Variants in MAGI1 observed in about 807,000 individuals in gnomAD.
MAGI1 encodes the protein membrane-associated guanylate kinase, WW and PDZ domain-containing protein 1.
In MAGI1, 58 loss-of-function variants were observed where a neutral mutation model predicts 139.9. The ratio of observed to expected loss-of-function variants is 0.41; its 90% confidence interval spans 0.34 to 0.52. MAGI1 has a LOEUF of 0.52. Ranked by LOEUF, MAGI1 falls within the 20% of genes least tolerant of loss-of-function variation. The pLI is 0.12. For missense variants in MAGI1, 1,874 were observed against 1,901.6 expected, an observed-to-expected ratio of 0.99 and a Z score of 0.27; for synonymous variants, 812 against 737.9, an observed-to-expected ratio of 1.10 and a Z score of -1.63.
intron 3 of MAGI1, among the ~76,000 whole-genome samples, chr3:65,490,157 CT>C (rs1951901726): frequency 6.6e-6 from 1 of 152,206 alleles, no homozygotes; most frequent in Non-Finnish European, 1.5e-5. Flanking sequence ...TGAAGGAGAG[CT>C]TACATGTGTC....
intron 1 of MAGI1, among the ~76,000 whole-genome samples, chr3:65,700,081 T>C (rs2089492955): frequency 6.6e-6 from 1 of 152,022 alleles, no homozygotes; most frequent in Non-Finnish European, 1.5e-5. Context: ...CTACATACAA[T>C]TTTGACATTT....
At chr3:65,745,067 T>C (rs1038917048) in intron 1 of MAGI1, among the ~76,000 whole-genome samples, 1 of 152,132 alleles carries the variant, frequency 6.6e-6, no homozygotes, top group African/African-American at 2.4e-5. Context: ...GTTGGTCCTT[T>C]TGCATCTGGC....
At chr3:65,658,281 C>T (rs1481266525) in intron 1 of MAGI1, among the ~76,000 whole-genome samples, 2 of 152,086 alleles carry the variant, frequency 1.3e-5, no homozygotes, top group Non-Finnish European at 2.9e-5. Flanking sequence ...TCACTGTTGA[C>T]TTTTAATAAG....
chr3:65,384,046 G>A (rs576965512), intron 14 of MAGI1, among the ~76,000 whole-genome samples: 4 of 152,212 alleles, frequency 2.6e-5, no homozygotes, highest in East Asian at 1.9e-4. Flanking sequence ...CTAAGGATTC[G>A]GAAGTCATGT....
At position 65,478,774 on chromosome 3, in the gene MAGI1, G is replaced by A; in HGVS notation, c.575C>T (p.Pro192Leu). 6.2e-7 allele frequency: 1 copy of A among 1,613,958 alleles called. No homozygotes were observed. Among genetic ancestry groups the A allele is most frequent in the South Asian group, 1.1e-5 (1 of 91,080 alleles). The change falls in exon 4 of 23, where the codon CCT becomes CTT. Residue 192 changes from proline to leucine, a missense_variant. Physicochemically the swap from Pro to Leu is moderately conservative, Grantham distance 98. Coordinates refer to ENST00000402939, the MANE Select transcript of MAGI1 (RefSeq NM_001033057.2). ...YEGNYYGTPK[P>L]PSQPVSGKVI... The stretch of plus-strand genomic sequence containing the variant: ...TTTCCCACTGACTGGCTGGCTAGGA[G>A]GCTTGGGTGTCCCATAATAGTTTCC...
chr3:65,842,048 A>C (rs1341378669), intron 1 of MAGI1, among the ~76,000 whole-genome samples: 2 of 152,176 alleles, frequency 1.3e-5, no homozygotes, highest in Non-Finnish European at 2.9e-5. Flanking sequence ...TTCTCAGTCT[A>C]CCTTTCCAGT....
intron 2 of MAGI1, among the ~76,000 whole-genome samples, chr3:65,615,910 GC>G (rs2083346302): frequency 6.6e-6 from 1 of 152,108 alleles, no homozygotes; most frequent in Non-Finnish European, 1.5e-5. Flanking sequence ...ACACAGTAAC[GC>G]CCTTGACATG....
intron 1 of MAGI1, among the ~76,000 whole-genome samples, chr3:65,654,673 G>C (rs1343204404): frequency 1.3e-5 from 2 of 151,592 alleles, no homozygotes; most frequent in South Asian, 2.1e-4. Context: ...GGTATAACAT[G>C]ATGAGTGTGA....
chr3:65,526,403 T>C (rs2078381037), intron 2 of MAGI1, among the ~76,000 whole-genome samples: 1 of 152,204 alleles, frequency 6.6e-6, no homozygotes, highest in African/African-American at 2.4e-5. Context: ...ATACCTCTAG[T>C]AAAAGCTCCA....
chr3:65,453,120 C>A, intron 6 of MAGI1, 138 bp downstream of exon 6: 1 of 713,270 alleles, frequency 1.4e-6, no homozygotes, highest in Admixed American at 2.3e-5. Context: ...TTGTAAACCA[C>A]AGTCCATTTA....
intron 4 of MAGI1, among the ~76,000 whole-genome samples, chr3:65,474,982 G>C (rs992612406): frequency 6.6e-6 from 1 of 152,040 alleles, no homozygotes; most frequent in African/African-American, 2.4e-5. Context: ...GTCCATACTT[G>C]AGAAACATTA....
intron 1 of MAGI1, among the ~76,000 whole-genome samples, chr3:65,703,767 G>A (rs78694777): frequency 0.012 from 1,846 of 152,300 alleles, 40 homozygotes; most frequent in African/African-American, 0.043. Flanking sequence ...GAAGGAGGGA[G>A]AGTGCCATTG....
At position 65,714,095 on chromosome 3, in the gene MAGI1, C is replaced by G. The variant is rs561346342; in HGVS notation, c.314-92007G>C. On this transcript the variant is annotated intron_variant, in intron 1 of 22. Transcript: ENST00000402939. Reference sequence around the variant, plus strand: ...TCTATCTGTAAAACAGGCATGCCACCGCACTGGGTTGACGTAAGGGTTAAA... The same window carrying G: ...TCTATCTGTAAAACAGGCATGCCACGGCACTGGGTTGACGTAAGGGTTAAA... Among the ~76,000 whole-genome samples, 4 of 152,132 alleles carry G rather than the reference C, an allele frequency of 2.6e-5. No homozygotes were observed. The East Asian group carries it at 7.7e-4, about 29-fold the overall frequency.
intron 4 of MAGI1, 141 bp from the exon 5 acceptor site, chr3:65,470,625 GC>G: frequency 1.9e-6 from 1 of 540,026 alleles, no homozygotes; most frequent in African/African-American, 1.9e-5. Context: ...CTAATTCCTG[GC>G]CATTAACTAT....
intron 1 of MAGI1, among the ~76,000 whole-genome samples, chr3:65,894,485 T>A (rs1441496304): frequency 6.6e-6 from 1 of 152,144 alleles, no homozygotes; most frequent in Non-Finnish European, 1.5e-5. Context: ...CAAATATAAA[T>A]TATCAAATTT....
Position 65,974,407 on chromosome 3 carries a change from G to GTGGATGGATGGA in MAGI1, c.313+63577_313+63588dup, listed in dbSNP as rs1243537570. On this transcript the variant is annotated intron_variant, in intron 1 of 22. Transcript: ENST00000402939. Reference sequence around the variant, plus strand: ...GGTGGCTGGGTGGATGGGTGGATGGGTGGATGGATGGATGGATGGATGGAT... The same window carrying GTGGATGGATGGA: ...GGTGGCTGGGTGGATGGGTGGATGGGTGGATGGATGGATGGATGGATGGATGGATGGATGGAT... Among the ~76,000 whole-genome samples the GTGGATGGATGGA allele has an allele frequency of 7.8e-4, 53 of 67,982 alleles. 3 individuals carry two copies. The highest frequency in any genetic ancestry group is 1.6e-3 in the African/African-American group (26 of 16,274). 44.6% of individuals were successfully genotyped at this position (67,982 alleles called of 152,430 possible). A position where few individuals can be genotyped will look rare whatever the true frequency, so the allele number is the denominator to read the frequency against.
At chr3:65,542,482 T>C (rs1003052483) in intron 2 of MAGI1, among the ~76,000 whole-genome samples, 9 of 152,304 alleles carry the variant, frequency 5.9e-5, no homozygotes, top group Admixed American at 5.2e-4. Context: ...GCTGGAGGCA[T>C]GACACTACCT....
intron 1 of MAGI1, among the ~76,000 whole-genome samples, chr3:65,806,440 T>C (rs1181792710): frequency 1.3e-5 from 2 of 151,110 alleles, no homozygotes; most frequent in African/African-American, 4.9e-5. Context: ...AAAAAAAAAA[T>C]GTAGCCAACT....
chr3:65,903,328 C>T (rs2061314302), intron 1 of MAGI1, among the ~76,000 whole-genome samples: 1 of 152,118 alleles, frequency 6.6e-6, no homozygotes, highest in African/African-American at 2.4e-5. Context: ...CAAGTGGAAG[C>T]TTGGACTAGG....
Sources: gnomAD v4.1 joint callset for allele counts (sites outside exome capture counted in the v4.1 genomes callset) on GRCh38, gnomAD v4.1.1 for gene constraint, MANE v1.5 for transcripts, NCBI Gene and HGNC (gene_info 2026-07-23, HGNC 2026-07-21) for gene names.